The following UBE2E2 variants were observed in gnomAD, a reference collection of about 807,000 sequenced individuals.
UBE2E2 encodes ubiquitin conjugating enzyme E2 E2, also known as ubiquitin-conjugating enzyme E2 E2.
Under a neutral mutation model 24.7 loss-of-function variants are expected in UBE2E2, and 6 were observed. The ratio of observed to expected loss-of-function variants is 0.24; its 90% confidence interval spans 0.13 to 0.48. The LOEUF (loss-of-function observed/expected upper bound fraction) is 0.48. UBE2E2 is among the 20% of genes least tolerant of loss of function. The pLI, the probability that UBE2E2 is intolerant of heterozygous loss-of-function variation, is 0.99. For synonymous variants in UBE2E2, 104 were observed against 83.6 expected, an observed-to-expected ratio of 1.24 and a Z score of -1.33; for missense variants, 169 against 245.0, an observed-to-expected ratio of 0.69 and a Z score of 2.07.
chr3:23,272,510 G>C (rs1471049526), intron 3 of UBE2E2, among the ~76,000 whole-genome samples: 1 of 152,240 alleles, frequency 6.6e-6, no homozygotes, highest in Admixed American at 6.5e-5. Context: ...CGCCAAGGCC[G>C]AGGAGGCGCT....
At chr3:23,238,460 G>C (rs1217180636) in intron 3 of UBE2E2, among the ~76,000 whole-genome samples, 1 of 152,134 alleles carries the variant, frequency 6.6e-6, no homozygotes, top group East Asian at 1.9e-4. Context: ...CCATGCCTGT[G>C]GTAGCAGTTA....
intron 3 of UBE2E2, among the ~76,000 whole-genome samples, chr3:23,338,071 C>G (rs1695261862): frequency 6.6e-6 from 1 of 152,098 alleles, no homozygotes; most frequent in Non-Finnish European, 1.5e-5. Context: ...GAAAAGATTA[C>G]TTAAGATTTC....
chr3:23,380,073 C>T (rs1368372432), intron 3 of UBE2E2, among the ~76,000 whole-genome samples: 1 of 104,016 alleles, frequency 9.6e-6, no homozygotes, highest in Admixed American at 1.1e-4. Context: ...ATGCTAAGAA[C>T]ATTTGATTAC....
chr3:23,460,176 T>C (rs1035727082), intron 3 of UBE2E2, among the ~76,000 whole-genome samples: 1 of 152,164 alleles, frequency 6.6e-6, no homozygotes, highest in Non-Finnish European at 1.5e-5. Flanking sequence ...TGAGCTGCCC[T>C]CCCAGAGGTC....
chr3:23,323,352 T>A (rs924972060), intron 3 of UBE2E2, among the ~76,000 whole-genome samples: 4 of 152,296 alleles, frequency 2.6e-5, no homozygotes, highest in African/African-American at 9.6e-5. Context: ...CTGTCTTGTT[T>A]CTTCTAGGGA....
In UBE2E2 at chr3:23,487,986, AT is replaced by A. The variant is rs577010442; in HGVS notation, c.228-11619del. ...GGAGCTAGATGATTGTGTAAGGAAT[AT>A]TTAAAAAAAAAAAAATGCAGGTAGT... On this transcript the variant is annotated intron_variant, in intron 3 of 5. Transcript: ENST00000396703. Among the ~76,000 whole-genome samples, 88 of 148,732 alleles carry A rather than the reference AT, an allele frequency of 5.9e-4. 1 individual carries two copies. The South Asian group carries it at 0.012, about 21-fold the overall frequency.
chr3:23,274,416 A>C (rs9863465), intron 3 of UBE2E2, among the ~76,000 whole-genome samples: 2 of 152,096 alleles, frequency 1.3e-5, no homozygotes, highest in East Asian at 3.9e-4. Context: ...GGCAGGCTGC[A>C]GTGCAGTGGC....
intron 3 of UBE2E2, chr3:23,271,274 G>C (rs567244253): frequency 2.6e-5 from 8 of 308,260 alleles, no homozygotes; most frequent in South Asian, 1.2e-4. Flanking sequence ...TGTTCCTTCA[G>C]ATGTTCAGAT....
intron 3 of UBE2E2, among the ~76,000 whole-genome samples, chr3:23,485,210 C>A (rs1347912283): frequency 6.7e-6 from 1 of 149,872 alleles, no homozygotes; most frequent in African/African-American, 2.5e-5. Context: ...CCCAAGTAAT[C>A]TCAGCCTCCC....
chr3:23,384,580 T>A (rs35179250), intron 3 of UBE2E2, among the ~76,000 whole-genome samples: 10,976 of 152,250 alleles, frequency 0.072, 520 homozygotes, highest in Non-Finnish European at 0.088. Context: ...TCTCACTCTG[T>A]CACCCAGGCT....
At chr3:23,313,386 C>CTT (rs34208918) in intron 3 of UBE2E2, among the ~76,000 whole-genome samples, 58,499 of 111,532 alleles carry the variant, frequency 0.52, 16,897 homozygotes, top group Admixed American at 0.59. Context: ...ATCATTGGGT[C>CTT]TTTTTTTTTT....
chr3:23,285,695 A>T (rs1281932679), intron 3 of UBE2E2, among the ~76,000 whole-genome samples: 2 of 152,088 alleles, frequency 1.3e-5, no homozygotes, highest in Non-Finnish European at 2.9e-5. Flanking sequence ...ATCTATTCAG[A>T]TCTTTTATCC....
Position 23,327,211 on chromosome 3 carries a change from A to G in UBE2E2, c.227+109899A>G, listed in dbSNP as rs187360040. On this transcript the variant is annotated intron_variant, in intron 3 of 5. Coordinates refer to ENST00000396703, the MANE Select transcript of UBE2E2 (RefSeq NM_152653.4). ...CCCAGTAATGGAATGGCTGGGTCAA[A>G]TAGTACTTCTAGTTCTAGGTCCTTG... Among the ~76,000 whole-genome samples the G allele has an allele frequency of 1.3e-3, 203 of 152,324 alleles. 1 individual carries two copies. The highest frequency in any genetic ancestry group is 1.6e-3 in the Non-Finnish European group (108 of 68,034).
chr3:23,343,252 C>T (rs1405097425), intron 3 of UBE2E2, among the ~76,000 whole-genome samples: 5 of 151,642 alleles, frequency 3.3e-5, no homozygotes, highest in Non-Finnish European at 7.4e-5. Flanking sequence ...AAAAGCAAGA[C>T]GCAAGACTGA....
chr3:23,208,649 C>G (rs1330120657), intron 1 of UBE2E2, 43 bp from the exon 2 acceptor site: 1 of 1,504,300 alleles, frequency 6.6e-7, no homozygotes, highest in South Asian at 1.3e-5. Context: ...AGGTAGCTTA[C>G]TGTAGTACAG....
chr3:23,207,429 A>G (rs62663660), intron 1 of UBE2E2, among the ~76,000 whole-genome samples: 63 of 79,680 alleles, frequency 7.9e-4, no homozygotes, highest in South Asian at 4.9e-3. Context: ...GAATGTGGGG[A>G]AAAAAAAAAA....
Position 23,409,605 on chromosome 3 carries a change from G to T in UBE2E2, c.228-90003G>T, listed in dbSNP as rs558865121. On this transcript the variant is annotated intron_variant, in intron 3 of 5. Coordinates refer to ENST00000396703, the MANE Select transcript of UBE2E2 (RefSeq NM_152653.4). ...TTGCATTCTTTGTACTATTACTGAT[G>T]TGTGTTCTTCCTTAAGAATCTGTAT... 1.4e-4 allele frequency among the ~76,000 whole-genome samples: 21 copies of T among 152,268 alleles called. No homozygotes were observed. In the East Asian group the frequency reaches 4.0e-3, roughly 29 times the overall value.
rs185692926 is a variant in UBE2E2, at chr3:23,212,194, G to C, written c.176+3319G>C. Among the ~76,000 whole-genome samples the C allele has an allele frequency of 2.6e-5, 4 of 152,274 alleles. No individual in the cohort carries two copies. The South Asian group carries it at 6.2e-4, about 24-fold the overall frequency. On this transcript the variant is annotated intron_variant, in intron 2 of 5. Transcript: ENST00000396703. ...TATAATACAGAAAACATTTAAGTGG[G>C]TATTTAAACAGCAGTAGAAATTAAT...
intron 5 of UBE2E2, chr3:23,534,290 T>G: frequency 2.1e-6 from 2 of 964,374 alleles, no homozygotes; most frequent in Non-Finnish European, 2.5e-6. Flanking sequence ...CACCAAAGCC[T>G]TCTCTCAGCA....
Sources: allele counts gnomAD v4.1 joint callset (sites outside exome capture counted in the v4.1 genomes callset), GRCh38; gene constraint gnomAD v4.1.1; transcripts MANE v1.5; gene names NCBI Gene and HGNC (gene_info 2026-07-23, HGNC 2026-07-21).